Variants in GFOD1 observed in about 807,000 individuals in gnomAD.
GFOD1 encodes the protein glucose-fructose oxidoreductase domain-containing protein 1.
GFOD1 carries 9 observed loss-of-function variants against 25.4 expected under a neutral mutation model. The ratio of observed to expected loss-of-function variants is 0.35; its 90% CI spans 0.21 to 0.62. The LOEUF (loss-of-function observed/expected upper bound fraction) is 0.62, where lower values mean the gene tolerates loss of function less well. GFOD1 is among the 20% of genes least tolerant of loss of function. GFOD1 has a pLI of 0.72. For synonymous variants in GFOD1, 253 were observed against 245.6 expected (o/e 1.03, Z -0.28); for missense variants, 403 against 556.9 (o/e 0.72, Z 2.78).
At chr6:13,465,984 A>T (rs1423991314) in intron 1 of GFOD1, among the ~76,000 whole-genome samples, 2 of 152,244 alleles carry the variant, frequency 1.3e-5, no homozygotes, top group Non-Finnish European at 2.9e-5. Context: ...GACTCAGCCT[A>T]GGTTGGATCT....
intron 1 of GFOD1, among the ~76,000 whole-genome samples, chr6:13,368,307 T>A: frequency 6.6e-6 from 1 of 152,214 alleles, no homozygotes; most frequent in East Asian, 1.9e-4. Context: ...CTGGTGCCCC[T>A]GATGGCCATG....
At chr6:13,371,153 G>C (rs951865087) in intron 1 of GFOD1, among the ~76,000 whole-genome samples, 1 of 152,172 alleles carries the variant, frequency 6.6e-6, no homozygotes, top group African/African-American at 2.4e-5. Context: ...AGATTCTACC[G>C]GGAAGACAGA....
At chr6:13,416,281 CTCAAGTA>C (rs1284995743) in intron 1 of GFOD1, among the ~76,000 whole-genome samples, 1 of 152,146 alleles carries the variant, frequency 6.6e-6, no homozygotes, top group East Asian at 1.9e-4. Flanking sequence ...ATTGTCCAGT[CTCAAGTA>C]TGCTTTATAG....
chr6:13,479,777 C>A (rs1292349884), intron 1 of GFOD1, among the ~76,000 whole-genome samples: 1 of 152,212 alleles, frequency 6.6e-6, no homozygotes, highest in African/African-American at 2.4e-5. Context: ...CTTTTCCTAA[C>A]AATAATGCCC....
At chr6:13,394,959 A>T (rs821298) in intron 1 of GFOD1, among the ~76,000 whole-genome samples, 98,272 of 151,946 alleles carry the variant, frequency 0.65, 32,837 homozygotes, top group South Asian at 0.74. Flanking sequence ...TTTTTAAAAA[A>T]TTTTGTAGAG....
chr6:13,469,713 A>G (rs1758446094), intron 1 of GFOD1: 4 of 1,184,192 alleles, frequency 3.4e-6, no homozygotes, highest in Non-Finnish European at 4.3e-6. Context: ...AGACATATCT[A>G]TATTTCAGAT....
intron 1 of GFOD1, chr6:13,469,986 T>C (rs773879715): frequency 1.5e-6 from 2 of 1,316,322 alleles, no homozygotes; most frequent in African/African-American, 1.5e-5. Flanking sequence ...TCAGAGCACA[T>C]GCCATATCTT....
At chr6:13,400,387 C>T (rs1490350680) in intron 1 of GFOD1, among the ~76,000 whole-genome samples, 1 of 152,138 alleles carries the variant, frequency 6.6e-6, no homozygotes, top group Non-Finnish European at 1.5e-5. Context: ...GATCCCACTC[C>T]AGCTCCTAGG....
chr6:13,372,981 G>C (rs1473793703), intron 1 of GFOD1, among the ~76,000 whole-genome samples: 7 of 152,230 alleles, frequency 4.6e-5, no homozygotes, highest in Admixed American at 2.0e-4. Context: ...ATCAGATATG[G>C]CTTCCTATTT....
At chr6:13,381,123 AT>A (rs1785355059) in intron 1 of GFOD1, among the ~76,000 whole-genome samples, 2 of 152,288 alleles carry the variant, frequency 1.3e-5, no homozygotes, top group South Asian at 4.1e-4. Context: ...GAGAGCAGTC[AT>A]GCTGCCCCTG....
intron 1 of GFOD1, among the ~76,000 whole-genome samples, chr6:13,392,158 C>T (rs773170887): frequency 1.8e-4 from 28 of 151,720 alleles, no homozygotes; most frequent in Admixed American, 1.0e-3. Flanking sequence ...CCCAGCAGTT[C>T]GAGACCAGCC....
chr6:13,445,884 A>G (rs1757994524), intron 1 of GFOD1, among the ~76,000 whole-genome samples: 2 of 152,230 alleles, frequency 1.3e-5, no homozygotes, highest in South Asian at 2.1e-4. Flanking sequence ...TCTCAGGTGG[A>G]CGCCACAATG....
chr6:13,384,615 G>A (rs1389742809), intron 1 of GFOD1, among the ~76,000 whole-genome samples: 5 of 152,164 alleles, frequency 3.3e-5, no homozygotes, highest in Non-Finnish European at 5.9e-5. Context: ...AACAGAATGT[G>A]GCCATGAGAG....
At chr6:13,438,731 GATCTA>G (rs1757870037) in intron 1 of GFOD1, among the ~76,000 whole-genome samples, 1 of 152,118 alleles carries the variant, frequency 6.6e-6, no homozygotes, top group Non-Finnish European at 1.5e-5. Context: ...ACGAAGTACT[GATCTA>G]GGATTCAACC....
At chr6:13,412,533 C>T (rs755805341) in intron 1 of GFOD1, among the ~76,000 whole-genome samples, 6 of 152,230 alleles carry the variant, frequency 3.9e-5, no homozygotes, top group Non-Finnish European at 8.8e-5. Flanking sequence ...AACTGATATT[C>T]AACCAGTGTG....
chr6:13,390,780 A>AAAAG (rs1785582082), intron 1 of GFOD1, among the ~76,000 whole-genome samples: 1 of 117,904 alleles, frequency 8.5e-6, no homozygotes, highest in African/African-American at 3.2e-5. Context: ...AGAGAGAGAG[A>AAAAG]AAGGAAGGAA....
At chr6:13,403,231 T>C (rs890643443) in intron 1 of GFOD1, among the ~76,000 whole-genome samples, 8 of 152,200 alleles carry the variant, frequency 5.3e-5, no homozygotes, top group Admixed American at 5.2e-4. Flanking sequence ...GTTCAAGTGA[T>C]TCTCCCGCCT....
At chr6:13,423,068 G>A (rs951079267) in intron 1 of GFOD1, among the ~76,000 whole-genome samples, 21 of 152,142 alleles carry the variant, frequency 1.4e-4, no homozygotes, top group African/African-American at 4.6e-4. Context: ...GACGGTGGCA[G>A]AGACACCCCC....
rs771312460 is a variant in GFOD1, at chr6:13,364,817, C to T, written c.1099G>A (p.Glu367Lys). The change falls in exon 2 of 2, where the codon GAG (glutamate) becomes AAG (lysine). Residue 367 changes from glutamate to lysine, a missense_variant. Glu to Lys is a moderately conservative substitution (Grantham distance 56). Coordinates refer to ENST00000379287, the MANE Select transcript of GFOD1 (RefSeq NM_018988.4). The surrounding 1 kb of genome is among the most constrained non-coding windows in gnomAD (Gnocchi z 4.1). Reference protein sequence around the residue: ...GEWQNIAIMTEEPELSPAYLI... With the variant: ...GEWQNIAIMTKEPELSPAYLI... ...TAGGCGGGGCTCAGCTCCGGCTCCT[C>T]GGTCATGATGGCAATGTTCTGCCAC... is the stretch of plus-strand genomic sequence containing the variant. 43 of 1,613,858 alleles carry T rather than the reference C, an allele frequency of 2.7e-5. No homozygotes were observed. Among genetic ancestry groups the T allele is most frequent in the Non-Finnish European group, 3.5e-5 (41 of 1,180,032 alleles).
Sources: allele counts gnomAD v4.1 joint callset (sites outside exome capture counted in the v4.1 genomes callset), GRCh38; gene constraint gnomAD v4.1.1; non-coding constraint Gnocchi (gnomAD v3.1); transcripts MANE v1.5; gene names NCBI Gene and HGNC (gene_info 2026-07-23, HGNC 2026-07-21).